SPMIP2: variants seen among roughly 807,000 people sequenced by gnomAD.
SPMIP2 encodes sperm microtubule inner protein 2, also known as protein SPMIP2.
At chr4:159,036,731 C>T in the SPMIP2 span, among the ~76,000 whole-genome samples, 19 of 152,192 alleles carry the variant, frequency 1.2e-4, no homozygotes, top group Non-Finnish European at 2.1e-4. Context: ...TAGAGTCAGT[C>T]GCTGTTGTGT....
At chr4:159,039,754 G>T in the SPMIP2 span, among the ~76,000 whole-genome samples, 2 of 152,192 alleles carry the variant, frequency 1.3e-5, no homozygotes, top group African/African-American at 4.8e-5. Context: ...GAAACTCAGG[G>T]TTTGCTGCTC....
At chr4:159,014,098 T>C in the SPMIP2 span, among the ~76,000 whole-genome samples, 1 of 152,224 alleles carries the variant, frequency 6.6e-6, no homozygotes, top group Non-Finnish European at 1.5e-5. Context: ...AGGTAAATTC[T>C]GTTATGTTTA....
At chr4:158,975,782 C>T in the SPMIP2 span, among the ~76,000 whole-genome samples, 2 of 152,088 alleles carry the variant, frequency 1.3e-5, no homozygotes, top group Admixed American at 6.5e-5. Context: ...GCTATGTGGG[C>T]TCTGTTTTGG....
the SPMIP2 span, among the ~76,000 whole-genome samples, chr4:159,041,065 G>T: frequency 6.6e-6 from 1 of 152,088 alleles, no homozygotes; most frequent in African/African-American, 2.4e-5. Context: ...AAACATAGAT[G>T]ATTAATACAA....
At chr4:159,045,735 G>A in the SPMIP2 span, among the ~76,000 whole-genome samples, 1 of 152,216 alleles carries the variant, frequency 6.6e-6, no homozygotes, top group Admixed American at 6.5e-5. Flanking sequence ...CCATTTCACA[G>A]TTTTTGTGGG....
At chr4:158,967,378 T>C in the SPMIP2 span, among the ~76,000 whole-genome samples, 3 of 152,200 alleles carry the variant, frequency 2.0e-5, no homozygotes, top group African/African-American at 7.2e-5. Context: ...ATAAGACATA[T>C]AACTTTATAC....
the SPMIP2 span, among the ~76,000 whole-genome samples, chr4:159,061,831 G>C: frequency 1.7e-5 from 2 of 115,854 alleles, no homozygotes; most frequent in Non-Finnish European, 3.8e-5. Flanking sequence ...AAAAAAAAAA[G>C]ATAGAGCTGA....
chr4:159,037,827 C>CACACACACATAT, the SPMIP2 span, among the ~76,000 whole-genome samples: 20 of 126,020 alleles, frequency 1.6e-4, no homozygotes, highest in South Asian at 5.5e-4. Flanking sequence ...CACACACACA[C>CACACACACATAT]ATATATATAT....
chr4:159,072,197 A>T, the SPMIP2 span, among the ~76,000 whole-genome samples: 1 of 152,144 alleles, frequency 6.6e-6, no homozygotes, highest in Non-Finnish European at 1.5e-5. Context: ...GCCTGTAGTC[A>T]TAGCCACTCA....
At chr4:158,930,094 ACAGT>A in the SPMIP2 span, among the ~76,000 whole-genome samples, 1 of 152,100 alleles carries the variant, frequency 6.6e-6, no homozygotes, top group East Asian at 1.9e-4. Context: ...TTCTTGGCTG[ACAGT>A]CTGTCTTTTA....
the SPMIP2 span, among the ~76,000 whole-genome samples, chr4:158,898,307 C>A: frequency 1.6e-4 from 24 of 152,204 alleles, no homozygotes; most frequent in Non-Finnish European, 2.6e-4. Flanking sequence ...CTTAGGATTG[C>A]CTTGGCTATG....
the SPMIP2 span, among the ~76,000 whole-genome samples, chr4:158,923,746 G>A: frequency 1.3e-5 from 2 of 152,034 alleles, no homozygotes; most frequent in East Asian, 1.9e-4. Flanking sequence ...CCTATCACAA[G>A]GTTGAATAGA....
chr4:158,921,075 A>G, the SPMIP2 span, among the ~76,000 whole-genome samples: 17 of 152,220 alleles, frequency 1.1e-4, no homozygotes. Context: ...ACGTTGAAAT[A>G]TTGGGGGCAG....
the SPMIP2 span, among the ~76,000 whole-genome samples, chr4:159,057,716 G>A: frequency 6.6e-6 from 1 of 152,132 alleles, no homozygotes; most frequent in Non-Finnish European, 1.5e-5. Flanking sequence ...GTATTAAAAT[G>A]AAAAACATCA....
chr4:158,924,355 G>A, the SPMIP2 span, among the ~76,000 whole-genome samples: 1 of 152,240 alleles, frequency 6.6e-6, no homozygotes, highest in Non-Finnish European at 1.5e-5. Context: ...TGCATTTATT[G>A]CGAGGATCAT....
chr4:158,992,406 C>T, the SPMIP2 span, among the ~76,000 whole-genome samples: 1 of 152,246 alleles, frequency 6.6e-6, no homozygotes, highest in Admixed American at 6.5e-5. Context: ...GCTCAGTGTT[C>T]CTCAAAATGA....
At chr4:159,024,647 T>C in the SPMIP2 span, among the ~76,000 whole-genome samples, 1 of 152,316 alleles carries the variant, frequency 6.6e-6, no homozygotes, top group East Asian at 1.9e-4. Flanking sequence ...TCTTTCTGAA[T>C]GACATAGAGT....
chr4:159,060,922 A>G, the SPMIP2 span, among the ~76,000 whole-genome samples: 1 of 151,678 alleles, frequency 6.6e-6, no homozygotes, highest in African/African-American at 2.4e-5. Flanking sequence ...CTATATTAAG[A>G]AAAAATATAT....
chr4:158,912,430 T>C, the SPMIP2 span, among the ~76,000 whole-genome samples: 1 of 152,216 alleles, frequency 6.6e-6, no homozygotes, highest in Non-Finnish European at 1.5e-5. Flanking sequence ...GTTTAAGCTT[T>C]TAAAATTTCC....
Sources: allele counts gnomAD v4.1 joint callset (sites outside exome capture counted in the v4.1 genomes callset), GRCh38; gene constraint gnomAD v4.1.1; transcripts MANE v1.5; gene names NCBI Gene and HGNC (gene_info 2026-07-23, HGNC 2026-07-21).